PIWIL2: variants seen among roughly 807,000 people sequenced by gnomAD.
PIWIL2 encodes the protein piwi-like protein 2.
In PIWIL2, 81 loss-of-function variants were observed where a neutral mutation model predicts 116.5. That is an observed-to-expected ratio of 0.70 (90% CI 0.58 to 0.84). The LOEUF is 0.84. PIWIL2 is among the 40% of genes least tolerant of loss of function. The pLI is 0.00. For synonymous variants in PIWIL2, 489 were observed against 429.5 expected (o/e 1.14, Z -1.71); for missense variants, 1,272 against 1,212.3 (o/e 1.05, Z -0.73).
rs554169546 is a variant in PIWIL2 at position 22,356,634 on chromosome 8, T to C, written c.*1129T>C. 3 of 152,316 alleles carry C rather than the reference T, an allele frequency of 2.0e-5. No homozygotes were observed. In the South Asian group the frequency reaches 6.2e-4, roughly 32 times the overall value. The allele number at this position is 152,316 out of a possible 1,614,324, so 9.4% of individuals were successfully genotyped here. ...TTTTCTCCCAGGTGTGTGGCCTTTA[T>C]TTCTATTTATATATGTTTGTAAATG... On this transcript the variant is annotated 3_prime_UTR_variant, in exon 23 of 23. Coordinates refer to ENST00000356766, the MANE Select transcript of PIWIL2 (RefSeq NM_018068.5).
chr8:22,295,240 C>G (rs1830869886), intron 10 of PIWIL2, among the ~76,000 whole-genome samples: 1 of 152,004 alleles, frequency 6.6e-6, no homozygotes, highest in Non-Finnish European at 1.5e-5. Flanking sequence ...CAGGCATGAT[C>G]ATTGCTCACT....
intron 22 of PIWIL2, 87 bp from the exon 23 acceptor site, chr8:22,355,262 C>T: frequency 7.6e-7 from 1 of 1,320,458 alleles, no homozygotes; most frequent in East Asian, 2.3e-5. Context: ...TGCTCTGTGT[C>T]ATATCCCCGT....
intron 20 of PIWIL2, among the ~76,000 whole-genome samples, chr8:22,320,787 T>G (rs1476467267): frequency 6.6e-6 from 1 of 151,600 alleles, no homozygotes; most frequent in Non-Finnish European, 1.5e-5. Context: ...GAGATGGGGT[T>G]TTGCCACGTT....
intron 20 of PIWIL2, among the ~76,000 whole-genome samples, chr8:22,329,638 TA>T (rs1831812363): frequency 6.6e-6 from 1 of 152,162 alleles, no homozygotes; most frequent in African/African-American, 2.4e-5. Context: ...CCACCTCCAG[TA>T]TTGGGAATTA....
chr8:22,319,280 T>C (rs2132059621), intron 20 of PIWIL2, among the ~76,000 whole-genome samples: 1 of 152,372 alleles, frequency 6.6e-6, no homozygotes, highest in East Asian at 1.9e-4. Flanking sequence ...AATACTTTAA[T>C]ACTGTTCAGT....
chr8:22,295,482 T>C (rs1830875787), intron 10 of PIWIL2, among the ~76,000 whole-genome samples: 1 of 152,192 alleles, frequency 6.6e-6, no homozygotes, highest in South Asian at 2.1e-4. Context: ...AAATACCACA[T>C]TTTTGGGGTG....
chr8:22,281,767 A>ATTTTTTT (rs1313870060), intron 4 of PIWIL2, among the ~76,000 whole-genome samples: 2 of 118,540 alleles, frequency 1.7e-5, no homozygotes, highest in Non-Finnish European at 1.8e-5. Flanking sequence ...GATCATGGTG[A>ATTTTTTT]TTTTTTTTTT....
intron 20 of PIWIL2, among the ~76,000 whole-genome samples, chr8:22,323,585 C>T (rs1229807022): frequency 6.6e-6 from 1 of 152,088 alleles, no homozygotes; most frequent in African/African-American, 2.4e-5. Flanking sequence ...CTTAATTTCC[C>T]AACACAATTG....
chr8:22,295,830 A>G (rs1019672065), intron 10 of PIWIL2, among the ~76,000 whole-genome samples: 13 of 152,158 alleles, frequency 8.5e-5, no homozygotes, highest in African/African-American at 2.9e-4. Context: ...AAGGGTAGTA[A>G]GTCAACTAAG....
At chr8:22,330,741 TAAAA>T (rs1040354282) in intron 20 of PIWIL2, among the ~76,000 whole-genome samples, 23 of 140,614 alleles carry the variant, frequency 1.6e-4, no homozygotes, top group Admixed American at 8.3e-4. Flanking sequence ...AATAAATAAA[TAAAA>T]ATAGTTGATA....
chr8:22,305,278 C>T (rs1349718314), intron 12 of PIWIL2, among the ~76,000 whole-genome samples: 7 of 151,970 alleles, frequency 4.6e-5, no homozygotes, highest in South Asian at 2.1e-4. Flanking sequence ...CTGCAAGCTC[C>T]GCCTCCCGGG....
chr8:22,282,870 G>A (rs868336733), intron 4 of PIWIL2, among the ~76,000 whole-genome samples, 164 bp from the exon 5 acceptor site: 5 of 152,162 alleles, frequency 3.3e-5, no homozygotes, highest in East Asian at 3.9e-4. Flanking sequence ...GGTTACAGGC[G>A]TGAGCCACTG....
At chr8:22,330,270 C>A (rs1371074444) in intron 20 of PIWIL2, among the ~76,000 whole-genome samples, 1 of 152,114 alleles carries the variant, frequency 6.6e-6, no homozygotes. Context: ...TAGTTTCTCA[C>A]TCCTGAATTT....
intron 8 of PIWIL2, 60 bp downstream of exon 8, chr8:22,288,726 T>C (rs1050723209): frequency 1.4e-6 from 2 of 1,429,372 alleles, no homozygotes; most frequent in Non-Finnish European, 1.9e-6. Context: ...TACAGTAATG[T>C]TCTTCAAGAT....
intron 20 of PIWIL2, among the ~76,000 whole-genome samples, chr8:22,336,276 T>C (rs1831980224): frequency 2.6e-5 from 4 of 152,164 alleles, no homozygotes; most frequent in Non-Finnish European, 5.9e-5. Flanking sequence ...CTTTAATCTT[T>C]CAAAATACAT....
intron 3 of PIWIL2, 58 bp from the exon 4 acceptor site, chr8:22,281,319 T>C (rs946585562): frequency 4.5e-6 from 7 of 1,549,676 alleles, no homozygotes; most frequent in Non-Finnish European, 5.2e-6. Flanking sequence ...AAAAAAAAAC[T>C]ATACTTTAAA....
chr8:22,319,414 G>C (rs148239273), intron 20 of PIWIL2, among the ~76,000 whole-genome samples: 134 of 152,232 alleles, frequency 8.8e-4, no homozygotes, highest in African/African-American at 3.2e-3. Flanking sequence ...TTCGAAGTTT[G>C]ATCTGTCTTC....
At chr8:22,301,330 G>A (rs188187712) in intron 10 of PIWIL2, among the ~76,000 whole-genome samples, 22 of 151,632 alleles carry the variant, frequency 1.5e-4, no homozygotes, top group Admixed American at 7.9e-4. Flanking sequence ...ACAGCGTATC[G>A]CTCTTTCACC....
chr8:22,325,777 C>T (rs1184472969), intron 20 of PIWIL2, among the ~76,000 whole-genome samples: 2 of 152,142 alleles, frequency 1.3e-5, no homozygotes, highest in African/African-American at 2.4e-5. Flanking sequence ...ACCCATCGCG[C>T]CCAGCCTTGT....
Sources: gnomAD v4.1 joint callset for allele counts (sites outside exome capture counted in the v4.1 genomes callset) on GRCh38, gnomAD v4.1.1 for gene constraint, MANE v1.5 for transcripts, NCBI Gene and HGNC (gene_info 2026-07-23, HGNC 2026-07-21) for gene names.